ZNF385B: variants seen among roughly 807,000 people sequenced by gnomAD.
The protein encoded by ZNF385B is zinc finger protein 385B.
Under a neutral mutation model 39.2 loss-of-function variants are expected in ZNF385B, and 23 were observed. The ratio of observed to expected loss-of-function variants is 0.59; its 90% CI spans 0.42 to 0.83. The LOEUF is 0.83. Ranked by LOEUF, ZNF385B falls within the 40% of genes least tolerant of loss-of-function variation. ZNF385B has a pLI of 0.00. For synonymous variants in ZNF385B, 205 were observed against 222.6 expected (o/e 0.92, Z 0.70); for missense variants, 552 against 598.9 (o/e 0.92, Z 0.82).
chr2:179,670,490 C>CAA (rs1695827747), intron 3 of ZNF385B, among the ~76,000 whole-genome samples: 1 of 149,256 alleles, frequency 6.7e-6, no homozygotes, highest in Non-Finnish European at 1.5e-5. Flanking sequence ...AAAACAAAAA[C>CAA]AAACAAAAAA....
At chr2:179,665,533 T>C (rs1206187558) in intron 3 of ZNF385B, among the ~76,000 whole-genome samples, 2 of 152,244 alleles carry the variant, frequency 1.3e-5, no homozygotes, top group African/African-American at 4.8e-5. Flanking sequence ...GAAACCTTTA[T>C]AACCTGGCCC....
At chr2:179,500,384 G>T (rs2056645944) in intron 5 of ZNF385B, among the ~76,000 whole-genome samples, 1 of 151,852 alleles carries the variant, frequency 6.6e-6, no homozygotes, top group African/African-American at 2.4e-5. Flanking sequence ...AGCTGCTACT[G>T]GCATACAAGC....
intron 3 of ZNF385B, among the ~76,000 whole-genome samples, chr2:179,668,230 T>C (rs1695433817): frequency 6.6e-6 from 1 of 152,238 alleles, no homozygotes. Flanking sequence ...TAGTACTGAA[T>C]TAATCTTTTC....
intron 3 of ZNF385B, chr2:179,745,975 A>G (rs1702359897): frequency 2.5e-6 from 3 of 1,204,812 alleles, no homozygotes; most frequent in Admixed American, 4.4e-5. Flanking sequence ...GCACACTCTG[A>G]GTCATTTGTA....
At chr2:179,460,092 A>G (rs897436929) in intron 6 of ZNF385B, among the ~76,000 whole-genome samples, 2 of 152,152 alleles carry the variant, frequency 1.3e-5, no homozygotes, top group Non-Finnish European at 2.9e-5. Flanking sequence ...CAACAGAGTA[A>G]GACTCTGTCT....
intron 1 of ZNF385B, among the ~76,000 whole-genome samples, chr2:179,857,572 G>A (rs970751273): frequency 4.6e-5 from 7 of 152,172 alleles, no homozygotes; most frequent in Admixed American, 2.6e-4. Flanking sequence ...GACCTGCTGT[G>A]TTAAGGAAAC....
intron 1 of ZNF385B, among the ~76,000 whole-genome samples, chr2:179,847,639 G>C (rs1224254428): frequency 6.6e-6 from 1 of 152,182 alleles, no homozygotes; most frequent in Non-Finnish European, 1.5e-5. Flanking sequence ...TGTAGTAGCA[G>C]ATAGTGGCAA....
At chr2:179,737,404 T>C (rs183653790) in intron 3 of ZNF385B, among the ~76,000 whole-genome samples, 1 of 152,288 alleles carries the variant, frequency 6.6e-6, no homozygotes, top group Non-Finnish European at 1.5e-5. Context: ...CCTTTTTTTT[T>C]CCTGCCCAGG....
intron 3 of ZNF385B, among the ~76,000 whole-genome samples, chr2:179,595,260 T>C (rs1039262030): frequency 1.3e-5 from 2 of 152,222 alleles, no homozygotes; most frequent in African/African-American, 4.8e-5. Flanking sequence ...CCTTCCTCAA[T>C]GAAATGGCTT....
intron 1 of ZNF385B, among the ~76,000 whole-genome samples, chr2:179,837,130 T>C (rs996740965): frequency 1.3e-5 from 2 of 152,174 alleles, no homozygotes; most frequent in African/African-American, 4.8e-5. Context: ...AAAACTGAGA[T>C]TGACAATAAA....
chr2:179,720,625 A>T (rs1216433071), intron 3 of ZNF385B, among the ~76,000 whole-genome samples: 2 of 152,160 alleles, frequency 1.3e-5, no homozygotes, highest in South Asian at 4.2e-4. Context: ...CATATCAATT[A>T]TCTCTATCAG....
At chr2:179,734,492 T>C (rs929689618) in intron 3 of ZNF385B, among the ~76,000 whole-genome samples, 1 of 152,170 alleles carries the variant, frequency 6.6e-6, no homozygotes, top group Non-Finnish European at 1.5e-5. Flanking sequence ...GTAAGTAAAA[T>C]AGCATGTTTT....
At chr2:179,556,664 C>T (rs1227808080) in intron 3 of ZNF385B, among the ~76,000 whole-genome samples, 6 of 149,244 alleles carry the variant, frequency 4.0e-5, no homozygotes, top group Non-Finnish European at 8.9e-5. Context: ...AGACCTGGGG[C>T]GATGGTCCTG....
At chr2:179,540,092 G>A (rs2059819476) in intron 4 of ZNF385B, among the ~76,000 whole-genome samples, 1 of 152,140 alleles carries the variant, frequency 6.6e-6, no homozygotes, top group Non-Finnish European at 1.5e-5. Context: ...CAGCCAAACA[G>A]AGAGAGCTGG....
chr2:179,639,460 G>C (rs1216155348), intron 3 of ZNF385B, among the ~76,000 whole-genome samples: 2 of 152,014 alleles, frequency 1.3e-5, no homozygotes, highest in African/African-American at 4.8e-5. Flanking sequence ...GAATGTGTTA[G>C]TGTGATTTAA....
chr2:179,785,787 A>C (rs1172742552), intron 1 of ZNF385B, among the ~76,000 whole-genome samples: 1 of 152,202 alleles, frequency 6.6e-6, no homozygotes, highest in Non-Finnish European at 1.5e-5. Flanking sequence ...AATCTTGGTA[A>C]AGATGCTGTG....
intron 1 of ZNF385B, among the ~76,000 whole-genome samples, chr2:179,823,905 A>C (rs145344105): frequency 1.4e-3 from 210 of 152,242 alleles, no homozygotes; most frequent in African/African-American, 4.6e-3. Flanking sequence ...GTTGCAAGTA[A>C]CTGAAACTCA....
chr2:179,650,501 A>G (rs1693104172), intron 3 of ZNF385B, among the ~76,000 whole-genome samples: 1 of 152,226 alleles, frequency 6.6e-6, no homozygotes, highest in Non-Finnish European at 1.5e-5. Flanking sequence ...TAAAAGCCCA[A>G]GTAAAAGATA....
intron 1 of ZNF385B, among the ~76,000 whole-genome samples, chr2:179,802,270 G>A (rs997950585): frequency 1.3e-5 from 2 of 152,004 alleles, no homozygotes; most frequent in African/African-American, 4.8e-5. Context: ...TGTTGGGCAT[G>A]TTCGTTTATG....
Sources: allele counts gnomAD v4.1 joint callset (sites outside exome capture counted in the v4.1 genomes callset), GRCh38; gene constraint gnomAD v4.1.1; transcripts MANE v1.5; gene names NCBI Gene and HGNC (gene_info 2026-07-23, HGNC 2026-07-21).